The following PCSK5 variants were observed in gnomAD, a reference collection of about 807,000 sequenced individuals.
The protein encoded by PCSK5 is proprotein convertase subtilisin/kexin type 5.
In PCSK5, 129 loss-of-function variants were observed where a neutral mutation model predicts 233.2. That is an observed-to-expected ratio of 0.55 (90% CI 0.48 to 0.64). The LOEUF (loss-of-function observed/expected upper bound fraction) is 0.64, where lower values mean the gene tolerates loss of function less well. Ranked by LOEUF, PCSK5 falls within the 30% of genes least tolerant of loss-of-function variation. The pLI, the probability that PCSK5 is intolerant of heterozygous loss-of-function variation, is 0.00. For missense variants in PCSK5, 2,076 were observed against 2,430.1 expected, an observed-to-expected ratio of 0.85 and a Z score of 3.06; for synonymous variants, 825 against 879.2, an observed-to-expected ratio of 0.94 and a Z score of 1.09.
At chr9:75,921,946 G>A (rs10512051) in intron 1 of PCSK5, among the ~76,000 whole-genome samples, 5,948 of 152,148 alleles carry the variant, frequency 0.039, 335 homozygotes, top group East Asian at 0.25. Context: ...AGTACTCTTG[G>A]GAGAAATGTT....
chr9:76,189,893 ACT>A, intron 20 of PCSK5, 147 bp downstream of exon 20: 2 of 558,862 alleles, frequency 3.6e-6, no homozygotes, highest in Non-Finnish European at 6.3e-6. Flanking sequence ...TTCATCTTGA[ACT>A]TATGCCCTTA....
chr9:76,194,570 T>A, intron 20 of PCSK5: 1 of 293,164 alleles, frequency 3.4e-6, no homozygotes. Flanking sequence ...TATATGCTGG[T>A]CCACTGAATG....
At chr9:76,009,727 G>A (rs1227858058) in intron 3 of PCSK5, among the ~76,000 whole-genome samples, 1 of 152,012 alleles carries the variant, frequency 6.6e-6, no homozygotes, top group Non-Finnish European at 1.5e-5. Context: ...TATATAGCTA[G>A]ATAAGTGCAG....
rs908916360 is a variant in PCSK5 at position 76,181,270 on chromosome 9, G to A, written c.2004-128G>A. ...ACAAACAATCTGGCTCTCTGGATGT[G>A]GTGTTGGCATCCTGGTTTAAAAGTG... On this transcript the variant is annotated intron_variant, in intron 15 of 37. Coordinates refer to ENST00000674117, the MANE Select transcript of PCSK5 (RefSeq NM_001372043.1). 4.3e-6 allele frequency: 3 copies of A among 690,458 alleles called. No homozygotes were observed. In the African/African-American group the frequency reaches 5.4e-5, roughly 12 times the overall value. 42.8% of individuals were successfully genotyped at this position (690,458 alleles called of 1,614,324 possible).
At chr9:76,337,423 C>T (rs1338100652) in intron 34 of PCSK5, among the ~76,000 whole-genome samples, 1 of 152,030 alleles carries the variant, frequency 6.6e-6, no homozygotes, top group Non-Finnish European at 1.5e-5. Flanking sequence ...ATCCTCTCAT[C>T]TTGGCCTCCC....
intron 2 of PCSK5, among the ~76,000 whole-genome samples, chr9:75,959,689 G>C (rs936792372): frequency 6.6e-6 from 1 of 152,186 alleles, no homozygotes; most frequent in African/African-American, 2.4e-5. Context: ...GGCACAAATG[G>C]AGATATTTGC....
intron 9 of PCSK5, among the ~76,000 whole-genome samples, chr9:76,111,713 A>T (rs1832224479): frequency 6.6e-6 from 1 of 152,180 alleles, no homozygotes; most frequent in Admixed American, 6.5e-5. Context: ...TAACTCAAAA[A>T]GTTCAAATAA....
chr9:75,909,270 G>A (rs948719087), intron 1 of PCSK5, among the ~76,000 whole-genome samples: 5 of 151,878 alleles, frequency 3.3e-5, no homozygotes, highest in African/African-American at 1.2e-4. Context: ...AGGTTGCAAT[G>A]AGCCAAGATC....
chr9:76,251,547 G>A (rs938233054), intron 24 of PCSK5, among the ~76,000 whole-genome samples: 4 of 139,156 alleles, frequency 2.9e-5, no homozygotes, highest in African/African-American at 8.0e-5. Flanking sequence ...CTGGGTGACA[G>A]AGCGAGACTC....
intron 3 of PCSK5, among the ~76,000 whole-genome samples, chr9:75,987,653 G>T (rs1009423008): frequency 1.3e-5 from 2 of 152,126 alleles, no homozygotes; most frequent in African/African-American, 4.8e-5. Context: ...TGTTTAAGGG[G>T]AAAAAGGGAG....
chr9:75,943,040 A>G (rs1041671136), intron 2 of PCSK5, among the ~76,000 whole-genome samples: 1 of 151,664 alleles, frequency 6.6e-6, no homozygotes, highest in African/African-American at 2.4e-5. Context: ...GCTCGCCACC[A>G]CACCTGGCTA....
intron 6 of PCSK5, among the ~76,000 whole-genome samples, chr9:76,070,261 A>G (rs952172409): frequency 1.1e-4 from 16 of 152,218 alleles, no homozygotes; most frequent in African/African-American, 3.9e-4. Context: ...CGGCCTCCCA[A>G]AGTGCTGGGA....
intron 29 of PCSK5, among the ~76,000 whole-genome samples, chr9:76,310,055 C>T (rs908506867): frequency 5.3e-5 from 8 of 152,014 alleles, no homozygotes; most frequent in Non-Finnish European, 1.2e-4. Flanking sequence ...TGAGTCCCAC[C>T]TGTCCAACAT....
intron 24 of PCSK5, among the ~76,000 whole-genome samples, chr9:76,289,002 G>A (rs1396691252): frequency 1.3e-5 from 2 of 152,114 alleles, no homozygotes; most frequent in Non-Finnish European, 2.9e-5. Flanking sequence ...TGAAGCAGGA[G>A]GCAATGTCTC....
At chr9:75,914,414 C>T (rs1822890280) in intron 1 of PCSK5, among the ~76,000 whole-genome samples, 2 of 152,098 alleles carry the variant, frequency 1.3e-5, no homozygotes, top group Non-Finnish European at 2.9e-5. Context: ...AATGCTACTT[C>T]CAACAGTCCA....
intron 20 of PCSK5, among the ~76,000 whole-genome samples, chr9:76,199,437 A>G (rs1339960698): frequency 6.6e-6 from 1 of 152,222 alleles, no homozygotes; most frequent in Non-Finnish European, 1.5e-5. Flanking sequence ...ATGTTAATGT[A>G]GAATAAAGGT....
intron 35 of PCSK5, among the ~76,000 whole-genome samples, 158 bp downstream of exon 35, chr9:76,338,605 T>C (rs772429509): frequency 3.4e-4 from 51 of 152,170 alleles, no homozygotes; most frequent in Non-Finnish European, 6.8e-4. Context: ...TGTTCGCTCT[T>C]AACTTCCACA....
chr9:75,954,511 T>C (rs2131331307), intron 2 of PCSK5, among the ~76,000 whole-genome samples: 1 of 152,296 alleles, frequency 6.6e-6, no homozygotes, highest in East Asian at 1.9e-4. Flanking sequence ...TGTTACCAAG[T>C]TATTGAGTTA....
In PCSK5 at chr9:76,046,160, G is replaced by GTTTTTTTTTTTT. The variant is rs71372041; in HGVS notation, c.632+19147_632+19158dup. Among the ~76,000 whole-genome samples, 69 of 58,036 alleles carry GTTTTTTTTTTTT rather than the reference G, an allele frequency of 1.2e-3. 20 individuals carry two copies. Among genetic ancestry groups the GTTTTTTTTTTTT allele is most frequent in the South Asian group, 3.2e-3 (5 of 1,586 alleles). The allele number at this position is 58,036 out of a possible 152,430, so 38.1% of individuals were successfully genotyped here. A position where few individuals can be genotyped will look rare whatever the true frequency, so the allele number is the denominator to read the frequency against. On this transcript the variant is annotated intron_variant, in intron 5 of 37. Transcript: ENST00000674117. ...GCATTAACACATAATTTTTTCTTTT[G>GTTTTTTTTTTTT]TTTTTTTTTTTTTTTTTTTTTTTTT...
Sources: allele counts gnomAD v4.1 joint callset (sites outside exome capture counted in the v4.1 genomes callset), GRCh38; gene constraint gnomAD v4.1.1; transcripts MANE v1.5; gene names NCBI Gene and HGNC (gene_info 2026-07-23, HGNC 2026-07-21).